PDE4DIP: variants seen among roughly 807,000 people sequenced by gnomAD.
PDE4DIP encodes the protein myomegalin.
Under a neutral mutation model 221.4 loss-of-function variants are expected in PDE4DIP, and 59 were observed. The ratio of observed to expected loss-of-function variants is 0.27; its 90% CI spans 0.22 to 0.33. The LOEUF is 0.33. Among genes scored for constraint, PDE4DIP ranks in the 10% least tolerant of loss-of-function variants. The pLI, the probability that PDE4DIP is intolerant of heterozygous loss-of-function variation, is 1.00. For synonymous variants in PDE4DIP, 404 were observed against 815.9 expected (o/e 0.50, Z 8.60); for missense variants, 1,036 against 2,154.2 (o/e 0.48, Z 10.28).
At chr1:149,032,128 G>A (rs141564171) in exon 44 of PDE4DIP, 172,543 of 1,521,248 alleles carry the variant, frequency 0.11, 10,686 homozygotes, top group Middle Eastern at 0.18. Flanking sequence ...CCACGGGAGG[G>A]TCCAGAAGAG....
exon 24 of PDE4DIP, chr1:149,001,813 A>G (rs2065725128): frequency 1.3e-6 from 2 of 1,491,946 alleles, no homozygotes; most frequent in Non-Finnish European, 1.9e-6. Context: ...ACCTCCTCAA[A>G]GAACAACTTG....
At chr1:149,030,354 G>C in intron 43 of PDE4DIP, 76 bp downstream of exon 46, 1 of 1,552,258 alleles carries the variant, frequency 6.4e-7, no homozygotes, top group Admixed American at 1.9e-5. Context: ...AGATCTTGTA[G>C]GTGACCCTTG....
At chr1:149,012,503 GC>G (rs2068870532) in intron 31 of PDE4DIP, 87 bp from the exon 35 acceptor site, 1 of 653,146 alleles carries the variant, frequency 1.5e-6, no homozygotes, top group African/African-American at 1.9e-5. Context: ...GTCAGGGAAT[GC>G]TTTTACCTTC....
chr1:149,029,880 G>T, exon 42 of PDE4DIP: 2 of 1,599,302 alleles, frequency 1.3e-6, no homozygotes, highest in Non-Finnish European at 1.7e-6. Flanking sequence ...TCTGAAGAAC[G>T]CCAACCAGCA....
chr1:148,924,145 G>A (rs1266518667), intron 1 of PDE4DIP, among the ~76,000 whole-genome samples: 4 of 152,226 alleles, frequency 2.6e-5, no homozygotes, highest in African/African-American at 9.6e-5. Flanking sequence ...CAATGTTGCA[G>A]TATGAAAAGA....
chr1:149,029,424 A>G (rs1368395552), intron 41 of PDE4DIP, among the ~76,000 whole-genome samples: 1 of 152,224 alleles, frequency 6.6e-6, no homozygotes, highest in Admixed American at 6.5e-5. Context: ...TCACCCCAGC[A>G]TAACACTTCT....
Position 148,919,319 on chromosome 1 carries a change from G to T in PDE4DIP, c.142-9878G>T, listed in dbSNP as rs587759724. 1.2e-4 allele frequency among the ~76,000 whole-genome samples: 18 copies of T among 151,730 alleles called. No individual in the cohort carries two copies. In the East Asian group the frequency reaches 3.3e-3, roughly 28 times the overall value. ...TGTAAATCAAGTTAATTGTATAAAA[G>T]CATAAAGCTTTGGGGACGACCAGTT... On this transcript the variant is annotated intron_variant, in intron 1 of 43. Transcript: ENST00000369354.
intron 1 of PDE4DIP, among the ~76,000 whole-genome samples, chr1:148,844,040 T>C (rs1200197751): frequency 5.5e-5 from 2 of 36,402 alleles, no homozygotes; most frequent in African/African-American, 1.5e-4. Flanking sequence ...TCGTGTTCCA[T>C]GACCACGTAG....
rs376667255 is a variant in PDE4DIP at position 149,005,906 on chromosome 1, G to T, written c.4415+469G>T. On this transcript the variant is annotated intron_variant, in intron 27 of 43. Coordinates refer to ENST00000369354, the Ensembl canonical transcript of PDE4DIP. ...CCAGCACTTTGGGAGGCCAAGGCAG[G>T]TAGAACACCTGAGGTCAGGTGTTCG... Among the ~76,000 whole-genome samples the T allele has an allele frequency of 4.9e-4, 75 of 152,134 alleles. No homozygotes were observed. In the Middle Eastern group the frequency reaches 0.01, roughly 21 times the overall value.
upstream of PDE4DIP, among the ~76,000 whole-genome samples, chr1:148,887,201 CA>C (rs1278101476): frequency 6.8e-6 from 1 of 146,828 alleles, no homozygotes; most frequent in African/African-American, 2.5e-5. Flanking sequence ...TCTAAGTAGA[CA>C]GCCAAAGCAT....
intron 34 of PDE4DIP, 131 bp downstream of exon 37, chr1:149,018,010 C>T: frequency 1.4e-6 from 1 of 735,078 alleles, no homozygotes; most frequent in South Asian, 1.7e-5. Context: ...TACTGTCATC[C>T]CTACTTTCTG....
At chr1:149,010,106 C>T (rs1356582203) in intron 30 of PDE4DIP, among the ~76,000 whole-genome samples, 1 of 152,158 alleles carries the variant, frequency 6.6e-6, no homozygotes, top group Non-Finnish European at 1.5e-5. Context: ...GATGGAAAAC[C>T]TCCTTCATCT....
chr1:149,024,259 T>A (rs1479507114), intron 37 of PDE4DIP, 186 bp from the exon 41 acceptor site: 1 of 567,916 alleles, frequency 1.8e-6, no homozygotes, highest in Non-Finnish European at 3.1e-6. Flanking sequence ...AGTTTCAGAC[T>A]GGATGTGTGC....
chr1:148,914,744 T>TA (rs1272005625), intron 1 of PDE4DIP, among the ~76,000 whole-genome samples: 2 of 144,324 alleles, frequency 1.4e-5, no homozygotes, highest in African/African-American at 5.2e-5. Flanking sequence ...AGAAACAATG[T>TA]GAGGAGAAGA....
intron 32 of PDE4DIP, among the ~76,000 whole-genome samples, chr1:149,013,812 G>C (rs868916164): frequency 3.2e-5 from 3 of 93,746 alleles, no homozygotes; most frequent in Non-Finnish European, 5.9e-5. Context: ...TTTTGAGACA[G>C]GGTCTTACTT....
exon 10 of PDE4DIP, chr1:148,965,586 G>A: frequency 9.3e-7 from 1 of 1,070,644 alleles, no homozygotes; most frequent in Non-Finnish European, 1.5e-6. Context: ...TCGAACCCAG[G>A]AACAAAACAT....
At chr1:149,028,728 G>T in intron 41 of PDE4DIP, 25 bp downstream of exon 44, 2 of 1,446,372 alleles carry the variant, frequency 1.4e-6, no homozygotes, top group Non-Finnish European at 1.9e-6. Context: ...CCCTTTCTTG[G>T]TTCAAACCCA....
intron 1 of PDE4DIP, among the ~76,000 whole-genome samples, chr1:148,821,146 G>C (rs1553360511): frequency 6.7e-6 from 1 of 148,608 alleles, no homozygotes; most frequent in Non-Finnish European, 1.5e-5. Flanking sequence ...ATCATCAGTG[G>C]AACAACATAA....
chr1:148,948,471 CA>C (rs11402302), intron 5 of PDE4DIP, among the ~76,000 whole-genome samples: 2,567 of 97,614 alleles, frequency 0.026, 74 homozygotes, highest in African/African-American at 0.09. Context: ...GTCTCCGTCT[CA>C]AAAAAAAAAA....
Sources: gnomAD v4.1 joint callset for allele counts (sites outside exome capture counted in the v4.1 genomes callset) on GRCh38, gnomAD v4.1.1 for gene constraint, MANE v1.5 for transcripts, NCBI Gene and HGNC (gene_info 2026-07-23, HGNC 2026-07-21) for gene names.